RNF19B: variants seen among roughly 807,000 people sequenced by gnomAD.
RNF19B encodes E3 ubiquitin-protein ligase RNF19B.
Under a neutral mutation model 65.5 loss-of-function variants are expected in RNF19B, and 23 were observed. That is an observed-to-expected ratio of 0.35 (90% CI 0.25 to 0.50). The LOEUF (loss-of-function observed/expected upper bound fraction) is 0.50, where lower values mean the gene tolerates loss of function less well. Ranked by LOEUF, RNF19B falls within the 20% of genes least tolerant of loss-of-function variation. The probability of loss-of-function intolerance (pLI) is 0.98; values close to 1 mark genes in which losing one functional copy is unlikely to be tolerated. For synonymous variants in RNF19B, 372 were observed against 379.6 expected (o/e 0.98, Z 0.23); for missense variants, 794 against 980.0 (o/e 0.81, Z 2.53).
chr1:32,961,980 T>G lies in RNF19B; in HGVS notation c.635+2071A>C, dbSNP rs76985085. ...AATTAACTATGCAGTGTTTTGTTTT[T>G]TTTTTTTCTTGAGACAGAATCTCGC... On this transcript the variant is annotated intron_variant, in intron 1 of 8. Coordinates refer to ENST00000235150, the MANE Select transcript of RNF19B (RefSeq NM_001300826.2). Among the ~76,000 whole-genome samples, 1,441 of 152,102 alleles carry G rather than the reference T, an allele frequency of 9.5e-3. 10 individuals carry two copies. Among genetic ancestry groups the G allele is most frequent in the African/African-American group, 0.02 (848 of 41,528 alleles).
intron 3 of RNF19B, 91 bp downstream of exon 3, chr1:32,948,131 T>C (rs1330848868): frequency 2.2e-6 from 3 of 1,379,686 alleles, no homozygotes; most frequent in Non-Finnish European, 3.0e-6. Context: ...AAACCTGTAA[T>C]GAGAGAACGG....
intron 1 of RNF19B, among the ~76,000 whole-genome samples, chr1:32,955,730 C>T (rs194654): frequency 0.35 from 51,171 of 146,040 alleles, 8,942 homozygotes; most frequent in Admixed American, 0.44. Flanking sequence ...GCCTGGGAGA[C>T]AGAGCTAAAC....
In RNF19B at chr1:32,945,643, A is replaced by T. The variant is rs1272844267; in HGVS notation, c.1147-15T>A. ...CTGCTGTGAATCTAAGAATAAAAAA[A>T]GAAAATCCAGGTCAGCAGGTTAGGA... On this transcript the variant is annotated splice_polypyrimidine_tract_variant and intron_variant, in intron 4 of 8. Transcript: ENST00000235150. 2.6e-6 allele frequency: 4 copies of T among 1,514,668 alleles called. No individual in the cohort carries two copies. The South Asian group carries it at 4.5e-5, about 17-fold the overall frequency. 93.8% of individuals were successfully genotyped at this position (1,514,668 alleles called of 1,614,324 possible).
intron 4 of RNF19B, 89 bp from the exon 5 acceptor site, chr1:32,945,717 A>C: frequency 1.4e-6 from 1 of 713,930 alleles, no homozygotes; most frequent in Non-Finnish European, 2.5e-6. Context: ...ATTCACTTGT[A>C]AGTTATCTAT....
intron 7 of RNF19B, among the ~76,000 whole-genome samples, chr1:32,940,989 A>T (rs1158542449): frequency 6.6e-6 from 1 of 152,174 alleles, no homozygotes; most frequent in Non-Finnish European, 1.5e-5. Flanking sequence ...GTTGGGAGCC[A>T]AGTTGGGAGG....
chr1:32,944,211 T>C (rs1642311263), intron 5 of RNF19B, 52 bp from the exon 6 acceptor site: 1 of 1,553,726 alleles, frequency 6.4e-7, no homozygotes, highest in Non-Finnish European at 8.7e-7. Flanking sequence ...GCAAGTGCCC[T>C]GAATTCTTCT....
At chr1:32,938,368 C>A in intron 8 of RNF19B, 29 bp downstream of exon 8, 3 of 1,613,836 alleles carry the variant, frequency 1.9e-6, no homozygotes, top group Non-Finnish European at 1.7e-6. Flanking sequence ...AAAATGCAAC[C>A]TCTCCTGGAC....
At chr1:32,939,435 CCTAAAAA>C (rs1440202160) in intron 7 of RNF19B, among the ~76,000 whole-genome samples, 291 of 152,232 alleles carry the variant, frequency 1.9e-3, no homozygotes, top group African/African-American at 6.5e-3. Flanking sequence ...TGATCACCCA[CCTAAAAA>C]AGGTGCTGGG....
chr1:32,947,665 A>C (rs983562765), intron 3 of RNF19B, among the ~76,000 whole-genome samples: 1 of 152,062 alleles, frequency 6.6e-6, no homozygotes, highest in African/African-American at 2.4e-5. Flanking sequence ...TCTTAAAAAA[A>C]AAAAAAAAAA....
Position 32,946,509 on chromosome 1 carries a change from G to T in RNF19B, c.1039C>A (p.Leu347Ile), listed in dbSNP as rs760659205. ...CCAATCAACGTGCCCAGCTGCCAAA[G>T]AATTTTCTTCTTACGGCTCCATGGC... ...KKPWSRKKKI[L>I]WQLGTLIGAP... The change falls in exon 4 of 9, where the codon CTT becomes ATT. Residue 347 changes from leucine to isoleucine, a missense_variant. By Grantham distance (5) the Leu-to-Ile change is conservative. This residue lies in a region of RNF19B where 52 missense variants were observed against 108.8 expected (regional missense o/e 0.48). Coordinates refer to ENST00000235150, the MANE Select transcript of RNF19B (RefSeq NM_001300826.2). The T allele has an allele frequency of 1.2e-6, 2 of 1,614,032 alleles. No individual in the cohort carries two copies. The highest frequency in any genetic ancestry group is 1.7e-5 in the Admixed American group (1 of 59,978).
chr1:32,950,843 C>CTTT (rs35369089), intron 1 of RNF19B, among the ~76,000 whole-genome samples: 1 of 135,492 alleles, frequency 7.4e-6, no homozygotes, highest in South Asian at 2.4e-4. Flanking sequence ...CCTTTTCATT[C>CTTT]TTTTTTTTTT....
At position 32,964,520 on chromosome 1, in the gene RNF19B, G is replaced by T. The variant is rs113914269; in HGVS notation, c.166C>A (p.Pro56Thr). 0.011 allele frequency: 10,843 copies of T among 1,008,564 alleles called. 70 individuals carry two copies. The highest frequency in any genetic ancestry group is 0.012 in the Non-Finnish European group (10,141 of 841,986). 62.5% of individuals were successfully genotyped at this position (1,008,564 alleles called of 1,614,324 possible). A position where few individuals can be genotyped will look rare whatever the true frequency, so the allele number is the denominator to read the frequency against. Reference sequence around the variant, plus strand: ...GGCGGCTGCGCAGCCGGGGGCGGCGGCTCGGCCTGCGGCTTGGCCCGGGCG... The same window carrying T: ...GGCGGCTGCGCAGCCGGGGGCGGCGTCTCGGCCTGCGGCTTGGCCCGGGCG... ...RRARAKPQAE[P>T]PPPAAQPPPA... Residue 56 changes from proline to threonine, a missense_variant, in exon 1 of 9, where the codon CCG becomes ACG. By Grantham distance (38) the Pro-to-Thr change is conservative. This residue lies in a region of RNF19B where 374 missense variants were observed against 423.8 expected (regional missense o/e 0.88). Coordinates refer to ENST00000235150, the MANE Select transcript of RNF19B (RefSeq NM_001300826.2). This position sits in a 1 kb window ranked among gnomAD's most constrained non-coding sequence, Gnocchi z 6.5.
At chr1:32,962,093 T>A (rs1434621268) in intron 1 of RNF19B, among the ~76,000 whole-genome samples, 1 of 152,006 alleles carries the variant, frequency 6.6e-6, no homozygotes, top group African/African-American at 2.4e-5. Flanking sequence ...CTCAGCCTCC[T>A]GGGTAGCTGG....
intron 8 of RNF19B, among the ~76,000 whole-genome samples, chr1:32,938,030 C>T (rs1474494899): frequency 6.6e-6 from 1 of 150,692 alleles, no homozygotes; most frequent in Non-Finnish European, 1.5e-5. Flanking sequence ...CTATGGGAAT[C>T]CTATCAAGCA....
At chr1:32,956,080 A>T (rs1339039827) in intron 1 of RNF19B, among the ~76,000 whole-genome samples, 1 of 151,904 alleles carries the variant, frequency 6.6e-6, no homozygotes, top group Non-Finnish European at 1.5e-5. Flanking sequence ...AGACACAAAA[A>T]TTAGGCCGGG....
chr1:32,954,984 C>G (rs1171907267), intron 1 of RNF19B, among the ~76,000 whole-genome samples: 3 of 152,044 alleles, frequency 2.0e-5, no homozygotes, highest in Admixed American at 1.3e-4. Context: ...ATTTAAGAAC[C>G]AACTCAGGTG....
At chr1:32,935,565 T>C (rs577243298), downstream of RNF19B, among the ~76,000 whole-genome samples, 1 of 152,350 alleles carries the variant, frequency 6.6e-6, no homozygotes, top group South Asian at 2.1e-4. Flanking sequence ...TCATTACAAA[T>C]CTCAGATTTT....
At chr1:32,960,839 ATAATAATAATAT>A (rs1642752551) in intron 1 of RNF19B, among the ~76,000 whole-genome samples, 1 of 151,710 alleles carries the variant, frequency 6.6e-6, no homozygotes, top group African/African-American at 2.4e-5. Flanking sequence ...TCTACAAATA[ATAATAATAATAT>A]TAATAATAAT....
At chr1:32,935,780 G>A (rs1476776408), downstream of RNF19B, among the ~76,000 whole-genome samples, 1 of 151,638 alleles carries the variant, frequency 6.6e-6, no homozygotes, top group African/African-American at 2.4e-5. Context: ...TTTGAGACAG[G>A]GTCTCTGCCA....
Sources: gnomAD v4.1 joint callset for allele counts (sites outside exome capture counted in the v4.1 genomes callset) on GRCh38, gnomAD v4.1.1 for gene constraint, gnomAD v4.1.1 regional missense constraint, Gnocchi (gnomAD v3.1) non-coding constraint, MANE v1.5 for transcripts, NCBI Gene and HGNC (gene_info 2026-07-23, HGNC 2026-07-21) for gene names.